Variants in JPH3 observed in about 807,000 individuals in gnomAD.
JPH3 encodes the protein junctophilin-3.
Under a neutral mutation model 59.6 loss-of-function variants are expected in JPH3, and 11 were observed. The ratio of observed to expected loss-of-function variants is 0.18; its 90% confidence interval spans 0.12 to 0.31. JPH3 has a LOEUF of 0.31. Among genes scored for constraint, JPH3 ranks in the 10% least tolerant of loss-of-function variants. The pLI is 1.00. For missense variants in JPH3, 1,202 were observed against 1,105.7 expected, an observed-to-expected ratio of 1.09 and a Z score of -1.24; for synonymous variants, 673 against 483.6, an observed-to-expected ratio of 1.39 and a Z score of -5.14.
At chr16:87,671,618 GC>G (rs1295755137) in intron 2 of JPH3, among the ~76,000 whole-genome samples, 1 of 64,802 alleles carries the variant, frequency 1.5e-5, no homozygotes, top group Admixed American at 1.8e-4. Flanking sequence ...TCAGTTCTGC[GC>G]CTGAGCTCCC....
At chr16:87,689,225 G>A (rs1306689545) in intron 3 of JPH3, among the ~76,000 whole-genome samples, 1 of 152,170 alleles carries the variant, frequency 6.6e-6, no homozygotes, top group African/African-American at 2.4e-5. Context: ...GGGTGTTGGC[G>A]GCCTTGCTGT....
chr16:87,674,958 C>A (rs2033107549), intron 2 of JPH3, among the ~76,000 whole-genome samples: 1 of 152,048 alleles, frequency 6.6e-6, no homozygotes, highest in Admixed American at 6.5e-5. Context: ...ATGGGGGTTT[C>A]ACCATGTTGG....
intron 2 of JPH3, among the ~76,000 whole-genome samples, chr16:87,680,232 C>T (rs2033252763): frequency 6.6e-6 from 1 of 152,260 alleles, no homozygotes; most frequent in African/African-American, 2.4e-5. Flanking sequence ...TTGGAACCCG[C>T]TTTGCTCCAG....
At chr16:87,677,661 G>T (rs183227309) in intron 2 of JPH3, among the ~76,000 whole-genome samples, 108 of 152,284 alleles carry the variant, frequency 7.1e-4, no homozygotes, top group African/African-American at 2.4e-3. Context: ...GCCAGCTGAC[G>T]GTGCTGTCCA....
At chr16:87,665,819 C>G (rs1160215251) in intron 2 of JPH3, among the ~76,000 whole-genome samples, 1 of 152,238 alleles carries the variant, frequency 6.6e-6, no homozygotes, top group Non-Finnish European at 1.5e-5. Flanking sequence ...GGGCAAAGAC[C>G]TTTGCTTCCC....
intron 4 of JPH3, among the ~76,000 whole-genome samples, chr16:87,691,367 C>T (rs1012277265): frequency 4.6e-5 from 7 of 152,234 alleles, no homozygotes; most frequent in African/African-American, 1.2e-4. Context: ...AGGCCCTCAC[C>T]CCAGCAGGGC....
At chr16:87,635,939 T>G (rs861133) in intron 1 of JPH3, among the ~76,000 whole-genome samples, 131,083 of 152,138 alleles carry the variant, frequency 0.86, 57,425 homozygotes, top group Non-Finnish European at 0.94. Context: ...GAACCCACCT[T>G]CCTCTGGGGT....
chr16:87,636,287 C>T (rs2031744191), intron 1 of JPH3, among the ~76,000 whole-genome samples: 1 of 152,210 alleles, frequency 6.6e-6, no homozygotes, highest in Non-Finnish European at 1.5e-5. Flanking sequence ...GCTCAGTTGC[C>T]CTCAGCCGCG....
chr16:87,620,628 G>A (rs906834678), intron 1 of JPH3, among the ~76,000 whole-genome samples: 1 of 152,138 alleles, frequency 6.6e-6, no homozygotes, highest in Non-Finnish European at 1.5e-5. Flanking sequence ...GGTTTTGATG[G>A]TGCTGTTTCC....
At chr16:87,675,087 A>G (rs866841828) in intron 2 of JPH3, among the ~76,000 whole-genome samples, 5 of 152,126 alleles carry the variant, frequency 3.3e-5, no homozygotes, top group African/African-American at 9.7e-5. Context: ...TAAAAATAAA[A>G]TATCCAGCCA....
At chr16:87,650,365 G>A (rs1224068563) in intron 2 of JPH3, among the ~76,000 whole-genome samples, 1 of 152,098 alleles carries the variant, frequency 6.6e-6, no homozygotes, top group Admixed American at 6.5e-5. Flanking sequence ...CCAACCAGCC[G>A]CTCCCCCATC....
chr16:87,668,426 A>T (rs891086268), intron 2 of JPH3, among the ~76,000 whole-genome samples: 1 of 152,054 alleles, frequency 6.6e-6, no homozygotes, highest in East Asian at 1.9e-4. Context: ...TACTCACGGG[A>T]ACTTGGGTGA....
intron 1 of JPH3, among the ~76,000 whole-genome samples, chr16:87,642,699 G>T (rs1439244054): frequency 6.6e-6 from 1 of 152,222 alleles, no homozygotes; most frequent in Non-Finnish European, 1.5e-5. Context: ...TGAGGCTTGA[G>T]GTTTGCCGCG....
rs1387652850 is a variant in JPH3, at chr16:87,611,948, G to T, written c.382+8420G>T. ...TGCCTGACCTCCAGGGTCAGGATGTGTGTTTGGAGATGCTCAGGTGGCTGC... is the reference window on the plus strand; with the variant it reads ...TGCCTGACCTCCAGGGTCAGGATGTTTGTTTGGAGATGCTCAGGTGGCTGC... On this transcript the variant is annotated intron_variant, in intron 1 of 4. Coordinates refer to ENST00000284262, the MANE Select transcript of JPH3 (RefSeq NM_020655.4). The surrounding 1 kb of genome is among the most constrained non-coding windows in gnomAD (Gnocchi z 4.5). Among the ~76,000 whole-genome samples the T allele has an allele frequency of 6.6e-6, 1 of 152,186 alleles. No homozygotes were observed. Among genetic ancestry groups the T allele is most frequent in the African/African-American group, 2.4e-5 (1 of 41,450 alleles).
At chr16:87,692,847 C>G (rs1380162257) in intron 4 of JPH3, among the ~76,000 whole-genome samples, 1 of 152,248 alleles carries the variant, frequency 6.6e-6, no homozygotes, top group Admixed American at 6.5e-5. Context: ...GCGTCCGTAC[C>G]TGCTTCCCGG....
chr16:87,686,879 C>T (rs1037641306), intron 3 of JPH3, among the ~76,000 whole-genome samples: 1 of 152,202 alleles, frequency 6.6e-6, no homozygotes, highest in Non-Finnish European at 1.5e-5. Context: ...TGCTGCCTCA[C>T]TGGTGGGAGT....
In JPH3 at chr16:87,660,161, C is replaced by T. The variant is rs868041206; in HGVS notation, c.1160+15126C>T. On this transcript the variant is annotated intron_variant, in intron 2 of 4. Coordinates refer to ENST00000284262, the MANE Select transcript of JPH3 (RefSeq NM_020655.4). ...ACCTGCCTCCGAGCCTGGGGAGAGACGGCAGTGCACAGGGACTAGCTGTGC... is the reference window on the plus strand; with the variant it reads ...ACCTGCCTCCGAGCCTGGGGAGAGATGGCAGTGCACAGGGACTAGCTGTGC... 7.2e-5 allele frequency among the ~76,000 whole-genome samples: 11 copies of T among 152,258 alleles called. No homozygotes were observed. In the South Asian group the frequency reaches 8.3e-4, roughly 11 times the overall value.
At chr16:87,623,667 G>A (rs1264049568) in intron 1 of JPH3, among the ~76,000 whole-genome samples, 1 of 152,160 alleles carries the variant, frequency 6.6e-6, no homozygotes, top group Non-Finnish European at 1.5e-5. Flanking sequence ...TCCTCCTTCG[G>A]AGCCAAAGTG....
intron 1 of JPH3, among the ~76,000 whole-genome samples, chr16:87,607,899 CG>C (rs909085869): frequency 5.9e-5 from 9 of 152,316 alleles, no homozygotes; most frequent in African/African-American, 1.9e-4. Flanking sequence ...TCCGCTACTT[CG>C]GGGGGCGGGT....
Sources: gnomAD v4.1 joint callset for allele counts (sites outside exome capture counted in the v4.1 genomes callset) on GRCh38, gnomAD v4.1.1 for gene constraint, Gnocchi (gnomAD v3.1) non-coding constraint, MANE v1.5 for transcripts, NCBI Gene and HGNC (gene_info 2026-07-23, HGNC 2026-07-21) for gene names.